SSH2: variants seen among roughly 807,000 people sequenced by gnomAD.
SSH2 encodes protein phosphatase Slingshot homolog 2.
A neutral mutation model predicts 135.2 loss-of-function variants in SSH2; 37 were observed. That is an observed-to-expected ratio of 0.27 (90% CI 0.21 to 0.36). SSH2 has a LOEUF of 0.36. Among genes scored for constraint, SSH2 ranks in the 10% least tolerant of loss-of-function variants. The pLI is 1.00. For synonymous variants in SSH2, 628 were observed against 646.2 expected, an observed-to-expected ratio of 0.97 and a Z score of 0.43; for missense variants, 1,408 against 1,765.3, an observed-to-expected ratio of 0.80 and a Z score of 3.63.
chr17:29,767,820 T>C (rs2041483296), intron 3 of SSH2, among the ~76,000 whole-genome samples: 1 of 152,196 alleles, frequency 6.6e-6, no homozygotes. Flanking sequence ...GGCATTTAAG[T>C]TGTTTCCAGT....
At chr17:29,824,356 C>T (rs933089835) in intron 2 of SSH2, among the ~76,000 whole-genome samples, 7 of 152,140 alleles carry the variant, frequency 4.6e-5, no homozygotes, top group South Asian at 2.1e-4. Context: ...TATGGCATCA[C>T]GATGACTGCC....
chr17:29,799,116 A>ATATAGC (rs2042207531), intron 2 of SSH2, among the ~76,000 whole-genome samples: 2 of 152,204 alleles, frequency 1.3e-5, no homozygotes, highest in Non-Finnish European at 2.9e-5. Flanking sequence ...TACTTATTAC[A>ATATAGC]TATAGCTATA....
intron 1 of SSH2, among the ~76,000 whole-genome samples, chr17:29,888,625 T>C (rs373068554): frequency 1.3e-5 from 2 of 151,754 alleles, no homozygotes; most frequent in East Asian, 3.9e-4. Context: ...ATACAAACAG[T>C]AGAAAAAGTC....
At chr17:29,755,486 C>G (rs1347355250) in intron 3 of SSH2, among the ~76,000 whole-genome samples, 1 of 151,826 alleles carries the variant, frequency 6.6e-6, no homozygotes, top group Non-Finnish European at 1.5e-5. Flanking sequence ...TACAGTAATA[C>G]CCCAGCTATT....
At chr17:29,719,248 TCA>T (rs2039734761) in intron 3 of SSH2, among the ~76,000 whole-genome samples, 1 of 152,158 alleles carries the variant, frequency 6.6e-6, no homozygotes, top group South Asian at 2.1e-4. Context: ...TTGTAGAAAC[TCA>T]GAATCTGTTA....
chr17:29,692,287 T>C (rs2151096890), intron 5 of SSH2, among the ~76,000 whole-genome samples: 1 of 152,298 alleles, frequency 6.6e-6, no homozygotes, highest in East Asian at 1.9e-4. Context: ...AGTCTACAAA[T>C]GCTCCTTTCA....
chr17:29,899,684 C>G (rs1433330450), intron 1 of SSH2, among the ~76,000 whole-genome samples: 1 of 152,070 alleles, frequency 6.6e-6, no homozygotes, highest in East Asian at 1.9e-4. Context: ...GAATCAATAT[C>G]GTGAAAATGG....
At chr17:29,892,963 C>T (rs2066377254) in intron 1 of SSH2, among the ~76,000 whole-genome samples, 1 of 152,082 alleles carries the variant, frequency 6.6e-6, no homozygotes, top group Non-Finnish European at 1.5e-5. Context: ...GCTACTCTTC[C>T]TTTCCTTGAT....
At chr17:29,667,085 T>C (rs777586317) in intron 10 of SSH2, 45 bp downstream of exon 10, 3 of 1,604,796 alleles carry the variant, frequency 1.9e-6, no homozygotes, top group Non-Finnish European at 2.6e-6. Context: ...CCTACTGTTA[T>C]CCCACTGCTA....
intron 2 of SSH2, among the ~76,000 whole-genome samples, chr17:29,804,843 C>CTTTTTTTT (rs531310094): frequency 1.0e-5 from 1 of 98,994 alleles, no homozygotes; most frequent in Admixed American, 1.1e-4. Context: ...CCACATCTGG[C>CTTTTTTTT]TTTTTTTTTT....
chr17:29,929,649 G>A (rs1028528456), intron 1 of SSH2, among the ~76,000 whole-genome samples: 2 of 152,134 alleles, frequency 1.3e-5, no homozygotes, highest in African/African-American at 4.8e-5. Flanking sequence ...AAGCAAGAAT[G>A]ACTCATTACC....
At chr17:29,718,292 C>T (rs1869534424) in intron 3 of SSH2, among the ~76,000 whole-genome samples, 1 of 152,148 alleles carries the variant, frequency 6.6e-6, no homozygotes, top group Non-Finnish European at 1.5e-5. Context: ...GATTTCGTCA[C>T]CACTCCTCTC....
chr17:29,660,064 G>A (rs970409157), intron 11 of SSH2, among the ~76,000 whole-genome samples: 3 of 151,894 alleles, frequency 2.0e-5, no homozygotes, highest in Admixed American at 6.6e-5. Flanking sequence ...TCCTGACCTC[G>A]TGATCTGCCT....
At chr17:29,758,944 C>G (rs532640648) in intron 3 of SSH2, among the ~76,000 whole-genome samples, 6 of 152,178 alleles carry the variant, frequency 3.9e-5, no homozygotes, top group African/African-American at 1.4e-4. Context: ...GAGACAGAGT[C>G]TCAGTATGTT....
chr17:29,886,009 T>C (rs950236993), intron 1 of SSH2, among the ~76,000 whole-genome samples: 2 of 152,052 alleles, frequency 1.3e-5, no homozygotes, highest in East Asian at 3.9e-4. Context: ...AGGTACCAGG[T>C]AGTGGGGCAC....
intron 4 of SSH2, among the ~76,000 whole-genome samples, chr17:29,701,031 C>A (rs914203544): frequency 6.6e-6 from 1 of 150,756 alleles, no homozygotes; most frequent in Admixed American, 6.6e-5. Context: ...AGTGCAGTGG[C>A]GTGATCTCAG....
rs2035565833 is a variant in SSH2, at chr17:29,628,568, G to C, written c.*2273C>G. Reference sequence around the variant, plus strand: ...AGTTCCTGCCCTTCCCCATCATATTGGTGGTGGAACTGCTTCAAGAAGGCA... The same window carrying C: ...AGTTCCTGCCCTTCCCCATCATATTCGTGGTGGAACTGCTTCAAGAAGGCA... On this transcript the variant is annotated 3_prime_UTR_variant, in exon 16 of 16. Transcript: ENST00000540801. 6.6e-6 allele frequency: 1 copy of C among 152,066 alleles called. No individual in the cohort carries two copies. The highest frequency in any genetic ancestry group is 2.4e-5 in the African/African-American group (1 of 41,386). The allele number at this position is 152,066 out of a possible 1,614,324, so 9.4% of individuals were successfully genotyped here.
chr17:29,864,086 C>A (rs1386532797), intron 1 of SSH2: 3 of 152,062 alleles, frequency 2.0e-5, no homozygotes, highest in Non-Finnish European at 4.4e-5. Context: ...GGTGGATCAC[C>A]TGAGGTCAGG....
chr17:29,848,376 A>G (rs1727608034), intron 2 of SSH2, among the ~76,000 whole-genome samples: 1 of 152,222 alleles, frequency 6.6e-6, no homozygotes, highest in Non-Finnish European at 1.5e-5. Flanking sequence ...TTTCCAGTCC[A>G]GTGATTATAA....
Sources: allele counts gnomAD v4.1 joint callset (sites outside exome capture counted in the v4.1 genomes callset), GRCh38; gene constraint gnomAD v4.1.1; transcripts MANE v1.5; gene names NCBI Gene and HGNC (gene_info 2026-07-23, HGNC 2026-07-21).